The following GLG1 variants were observed in gnomAD, a reference collection of about 807,000 sequenced individuals.
The protein encoded by GLG1 is golgi glycoprotein 1.
A neutral mutation model predicts 160.5 loss-of-function variants in GLG1; 38 were observed. The ratio of observed to expected loss-of-function variants is 0.24; its 90% confidence interval spans 0.18 to 0.31. The LOEUF is 0.31. Ranked by LOEUF, GLG1 falls within the 10% of genes least tolerant of loss-of-function variation. The probability of loss-of-function intolerance (pLI) is 1.00; values close to 1 mark genes in which losing one functional copy is unlikely to be tolerated. For synonymous variants in GLG1, 644 were observed against 543.4 expected, an observed-to-expected ratio of 1.19 and a Z score of -2.57; for missense variants, 1,373 against 1,505.2, an observed-to-expected ratio of 0.91 and a Z score of 1.45.
chr16:74,543,147 C>T lies in GLG1; in HGVS notation c.439-10994G>A, dbSNP rs569550244. On this transcript the variant is annotated intron_variant, in intron 1 of 25. Coordinates refer to ENST00000422840, the MANE Select transcript of GLG1 (RefSeq NM_001145667.2). ...AATGTGCTGAACTCTTTCTGTATAACCCAGTGCAAATTACTGGTGCTTCTG... is the reference window on the plus strand; with the variant it reads ...AATGTGCTGAACTCTTTCTGTATAATCCAGTGCAAATTACTGGTGCTTCTG... Among the ~76,000 whole-genome samples, 41 of 152,122 alleles carry T rather than the reference C, an allele frequency of 2.7e-4. No individual in the cohort carries two copies. The South Asian group carries it at 6.9e-3, about 25-fold the overall frequency.
chr16:74,541,291 T>C (rs938447305), intron 1 of GLG1, among the ~76,000 whole-genome samples: 2 of 126,604 alleles, frequency 1.6e-5, no homozygotes, highest in African/African-American at 6.2e-5. Context: ...ACCACCACAC[T>C]CCAGCCTAGG....
intron 1 of GLG1, among the ~76,000 whole-genome samples, chr16:74,533,855 A>G (rs1448635975): frequency 2.0e-5 from 3 of 152,232 alleles, no homozygotes; most frequent in Non-Finnish European, 4.4e-5. Context: ...CTGTGTGCCT[A>G]TAACTTAAAT....
At chr16:74,579,163 A>G (rs534768274) in intron 1 of GLG1, among the ~76,000 whole-genome samples, 106 of 152,294 alleles carry the variant, frequency 7.0e-4, no homozygotes, top group African/African-American at 2.3e-3. Context: ...CCTGGGAGAC[A>G]CAGCAAGACC....
chr16:74,545,698 C>T (rs1306862708), intron 1 of GLG1, among the ~76,000 whole-genome samples: 4 of 152,170 alleles, frequency 2.6e-5, no homozygotes, highest in Non-Finnish European at 2.9e-5. Context: ...TGTATCTGAG[C>T]TCAACTTTAT....
intron 2 of GLG1, among the ~76,000 whole-genome samples, chr16:74,510,264 C>T (rs895489050): frequency 1.3e-5 from 2 of 152,126 alleles, no homozygotes; most frequent in Admixed American, 6.5e-5. Context: ...CTCCTGCCCT[C>T]AGGTGATCCA....
In GLG1 at chr16:74,451,823, CGG is replaced by C; in HGVS notation, c.*1342_*1343del. The C allele has an allele frequency of 2.1e-6, 1 of 487,060 alleles. No individual in the cohort carries two copies. Among genetic ancestry groups the C allele is most frequent in the Non-Finnish European group, 3.8e-6 (1 of 265,458 alleles). 30.2% of individuals were successfully genotyped at this position (487,060 alleles called of 1,614,324 possible). ...TCATCTCCACACTGGAGGAATGAGG[CGG>C]GATGGCCAAGAATATTGCTTCTATA... is the stretch of plus-strand genomic sequence containing the variant. On this transcript the variant is annotated 3_prime_UTR_variant, in exon 26 of 26. Coordinates refer to ENST00000422840, the MANE Select transcript of GLG1 (RefSeq NM_001145667.2).
In GLG1 at chr16:74,562,763, C is replaced by T. The variant is rs1295820443; in HGVS notation, c.439-30610G>A. Among the ~76,000 whole-genome samples, 3 of 152,184 alleles carry T rather than the reference C, an allele frequency of 2.0e-5. No homozygotes were observed. The East Asian group carries it at 5.8e-4, about 29-fold the overall frequency. On this transcript the variant is annotated intron_variant, in intron 1 of 25. Coordinates refer to ENST00000422840, the MANE Select transcript of GLG1 (RefSeq NM_001145667.2). The stretch of plus-strand genomic sequence containing the variant: ...GTGTAGAGATTACAGGCATGAGCTA[C>T]CGTGCTGGCAGTAAAGGAAGCTTTT...
At chr16:74,483,001 A>T in intron 10 of GLG1, 22 bp downstream of exon 10, 1 of 1,254,752 alleles carries the variant, frequency 8.0e-7, no homozygotes, top group Non-Finnish European at 1.2e-6. Flanking sequence ...CAATACATTT[A>T]CTTTGGCTTC....
At chr16:74,482,597 A>T (rs1472014898) in intron 10 of GLG1, among the ~76,000 whole-genome samples, 4 of 152,170 alleles carry the variant, frequency 2.6e-5, no homozygotes, top group Non-Finnish European at 4.4e-5. Context: ...ACCCCTTAAG[A>T]CAGACTTAAT....
intron 3 of GLG1, among the ~76,000 whole-genome samples, chr16:74,506,580 T>TAAAAA (rs1162306217): frequency 4.0e-3 from 4 of 1,004 alleles, no homozygotes; most frequent in Admixed American, 0.035. Flanking sequence ...AGACTCCGTC[T>TAAAAA]CAAAAAAAAA....
rs1567468200 is a variant in GLG1 at position 74,477,416 on chromosome 16, C to T, written c.1945G>A (p.Glu649Lys). ...CLIDLGKWCS[E>K]KTETGQELEC... ...CCTACCTGTCCAGTCTCTGTTTTCT[C>T]ACTGCACCATTTTCCCAGATCAATC... The change falls in exon 12 of 26, where the codon GAG becomes AAG. Residue 649 changes from glutamate to lysine, a missense_variant. Glu to Lys is a moderately conservative substitution (Grantham distance 56). Transcript: ENST00000422840. 1 of 1,612,746 alleles carries T rather than the reference C, an allele frequency of 6.2e-7. No individual in the cohort carries two copies. Among genetic ancestry groups the T allele is most frequent in the Admixed American group, 1.7e-5 (1 of 59,998 alleles).
chr16:74,542,716 G>GGAAGGAA (rs752290157), intron 1 of GLG1, among the ~76,000 whole-genome samples: 1 of 29,784 alleles, frequency 3.4e-5, no homozygotes. Flanking sequence ...AAGGGAAGAA[G>GGAAGGAA]GGAAGGAAGG....
At chr16:74,497,470 C>T (rs2016239207) in intron 4 of GLG1, among the ~76,000 whole-genome samples, 1 of 140,470 alleles carries the variant, frequency 7.1e-6, no homozygotes, top group Non-Finnish European at 1.5e-5. Context: ...CGGAGTCTCG[C>T]TCTTTCGCCC....
At chr16:74,539,638 C>G (rs865938832) in intron 1 of GLG1, among the ~76,000 whole-genome samples, 4 of 151,698 alleles carry the variant, frequency 2.6e-5, no homozygotes, top group South Asian at 2.1e-4. Flanking sequence ...GGTTATATCC[C>G]TATTCTGAAA....
At chr16:74,471,431 C>T in intron 14 of GLG1, 145 bp from the exon 15 acceptor site, 1 of 627,126 alleles carries the variant, frequency 1.6e-6, no homozygotes, top group South Asian at 1.9e-5. Flanking sequence ...TCAAAATAAG[C>T]CTGAAGAATC....
At chr16:74,571,653 CA>C (rs1254487910) in intron 1 of GLG1, among the ~76,000 whole-genome samples, 5 of 66,462 alleles carry the variant, frequency 7.5e-5, no homozygotes, top group Non-Finnish European at 1.3e-4. Context: ...GGCTCCATCT[CA>C]AAAAGGAAAA....
At chr16:74,459,541 AG>A in intron 23 of GLG1, 140 bp downstream of exon 23, 1 of 641,718 alleles carries the variant, frequency 1.6e-6, no homozygotes, top group Non-Finnish European at 2.8e-6. Context: ...TTTGGTAAGA[AG>A]GAACAGCAAG....
At position 74,496,508 on chromosome 16, in the gene GLG1, T is replaced by C; in HGVS notation, c.911A>G (p.Asp304Gly). The change falls in exon 5 of 26, where the codon GAT (aspartate) becomes GGT (glycine). Residue 304 changes from aspartate (D) to glycine (G), a missense_variant. By Grantham distance (94) the Asp-to-Gly change is moderately conservative. Coordinates refer to ENST00000422840, the MANE Select transcript of GLG1 (RefSeq NM_001145667.2). The stretch of plus-strand genomic sequence containing the variant: ...TAAATGCCGGTCTAAGTGAAAGTCA[T>C]CCGATGACAGCTCAGCCACCCGGAG... ...AILRVAELSS[D>G]DFHLDRHLYF... 6.2e-7 allele frequency: 1 copy of C among 1,614,112 alleles called. No homozygotes were observed. Among genetic ancestry groups the C allele is most frequent in the Non-Finnish European group, 8.5e-7 (1 of 1,179,974 alleles).
At chr16:74,491,250 G>C (rs751986726) in intron 7 of GLG1, 35 bp from the exon 8 acceptor site, 1 of 1,413,310 alleles carries the variant, frequency 7.1e-7, no homozygotes, top group South Asian at 1.1e-5. Context: ...ATTACGAAGG[G>C]TGATGCTATG....
Sources: gnomAD v4.1 joint callset for allele counts (sites outside exome capture counted in the v4.1 genomes callset) on GRCh38, gnomAD v4.1.1 for gene constraint, MANE v1.5 for transcripts, NCBI Gene and HGNC (gene_info 2026-07-23, HGNC 2026-07-21) for gene names.